Variants in DLG2 observed in about 807,000 individuals in gnomAD.
The protein encoded by DLG2 is disks large homolog 2.
In DLG2, 45 loss-of-function variants were observed where a neutral mutation model predicts 132.5. That is an observed-to-expected ratio of 0.34 (90% CI 0.27 to 0.44). The LOEUF (loss-of-function observed/expected upper bound fraction) is 0.44. Ranked by LOEUF, DLG2 falls within the 20% of genes least tolerant of loss-of-function variation. The pLI, the probability that DLG2 is intolerant of heterozygous loss-of-function variation, is 1.00. For synonymous variants in DLG2, 424 were observed against 419.6 expected, an observed-to-expected ratio of 1.01 and a Z score of -0.13; for missense variants, 1,045 against 1,196.9, an observed-to-expected ratio of 0.87 and a Z score of 1.87.
chr11:83,483,888 T>G (rs1394268086), intron 22 of DLG2, among the ~76,000 whole-genome samples: 1 of 152,114 alleles, frequency 6.6e-6, no homozygotes, highest in African/African-American at 2.4e-5. Flanking sequence ...AGATAAATGT[T>G]GGTTGGGTGC....
chr11:85,262,467 C>G (rs1035019406), intron 4 of DLG2, among the ~76,000 whole-genome samples: 1 of 152,074 alleles, frequency 6.6e-6, no homozygotes, highest in Non-Finnish European at 1.5e-5. Flanking sequence ...AGAAACCACC[C>G]GTACTTCCAC....
At chr11:84,221,690 A>C (rs1852180966) in intron 8 of DLG2, among the ~76,000 whole-genome samples, 1 of 152,124 alleles carries the variant, frequency 6.6e-6, no homozygotes, top group Non-Finnish European at 1.5e-5. Context: ...AGAAAATATC[A>C]GCTAATATTT....
intron 3 of DLG2, among the ~76,000 whole-genome samples, chr11:85,514,138 G>T (rs2094130005): frequency 6.6e-6 from 1 of 151,746 alleles, no homozygotes; most frequent in South Asian, 2.1e-4. Context: ...ATAATTATAG[G>T]TATCATTTCC....
At chr11:84,676,182 G>T (rs777698290) in intron 6 of DLG2, among the ~76,000 whole-genome samples, 2 of 151,978 alleles carry the variant, frequency 1.3e-5, no homozygotes, top group Admixed American at 1.3e-4. Context: ...ATATATATGA[G>T]CTTTACCAAG....
chr11:84,840,727 A>C (rs1030938518), intron 6 of DLG2, among the ~76,000 whole-genome samples: 2 of 152,106 alleles, frequency 1.3e-5, no homozygotes, highest in Non-Finnish European at 1.5e-5. Context: ...CATTCTGAGC[A>C]AACTATCACA....
At chr11:85,177,263 T>TTATATATATATA (rs748552882) in intron 4 of DLG2, among the ~76,000 whole-genome samples, 6 of 137,060 alleles carry the variant, frequency 4.4e-5, no homozygotes, top group African/African-American at 1.5e-4. Context: ...GTATATGTAT[T>TTATATATATATA]TATATATATA....
intron 7 of DLG2, among the ~76,000 whole-genome samples, chr11:84,475,907 T>A (rs1462255357): frequency 6.6e-6 from 1 of 151,984 alleles, no homozygotes; most frequent in Non-Finnish European, 1.5e-5. Flanking sequence ...ATTTTTCCAT[T>A]TTGCAAAAAT....
intron 3 of DLG2, among the ~76,000 whole-genome samples, chr11:85,451,475 T>C (rs563377297): frequency 6.6e-6 from 1 of 152,328 alleles, no homozygotes; most frequent in East Asian, 1.9e-4. Context: ...AAATTGTGAC[T>C]TGCTTTATTG....
At chr11:84,284,570 C>T (rs999790353) in intron 7 of DLG2, among the ~76,000 whole-genome samples, 1 of 152,124 alleles carries the variant, frequency 6.6e-6, no homozygotes, top group African/African-American at 2.4e-5. Flanking sequence ...TAGGTGGGAC[C>T]CCAGGTCTTG....
chr11:85,372,721 C>T (rs1368849985), intron 3 of DLG2, among the ~76,000 whole-genome samples: 1 of 152,236 alleles, frequency 6.6e-6, no homozygotes, highest in African/African-American at 2.4e-5. Flanking sequence ...TCTCTAGGCC[C>T]TCTCTGCTTC....
At chr11:85,195,769 G>A (rs1183274365) in intron 4 of DLG2, among the ~76,000 whole-genome samples, 4 of 151,780 alleles carry the variant, frequency 2.6e-5, no homozygotes, top group South Asian at 2.1e-4. Flanking sequence ...CTCGTGATCC[G>A]CCCGCCTCGG....
intron 6 of DLG2, among the ~76,000 whole-genome samples, chr11:84,726,801 C>T (rs1340757918): frequency 6.6e-6 from 1 of 152,114 alleles, no homozygotes; most frequent in Non-Finnish European, 1.5e-5. Context: ...TTAATGATTG[C>T]CATTCTGACT....
intron 17 of DLG2, among the ~76,000 whole-genome samples, chr11:83,830,624 G>C (rs1279129726): frequency 1.3e-5 from 2 of 152,246 alleles, no homozygotes; most frequent in African/African-American, 4.8e-5. Flanking sequence ...TGTGCACACA[G>C]TGCGGTGTGC....
chr11:84,575,645 T>C (rs983820401), intron 6 of DLG2, among the ~76,000 whole-genome samples: 1 of 152,176 alleles, frequency 6.6e-6, no homozygotes, highest in African/African-American at 2.4e-5. Context: ...GTAAGTGGGG[T>C]ATCTAACATC....
intron 9 of DLG2, among the ~76,000 whole-genome samples, chr11:84,159,911 C>CT (rs2095509329): frequency 6.6e-6 from 1 of 152,018 alleles, no homozygotes; most frequent in Non-Finnish European, 1.5e-5. Flanking sequence ...TTGAGCAAGA[C>CT]TTTTAGATTT....
At chr11:84,775,151 T>C (rs575712930) in intron 6 of DLG2, among the ~76,000 whole-genome samples, 1 of 152,066 alleles carries the variant, frequency 6.6e-6, no homozygotes, top group African/African-American at 2.4e-5. Context: ...AAAGAATACA[T>C]ACAAGCAGCC....
At chr11:83,905,143 C>T (rs11233798) in intron 15 of DLG2, among the ~76,000 whole-genome samples, 14,658 of 152,140 alleles carry the variant, frequency 0.096, 831 homozygotes, top group Middle Eastern at 0.2. Flanking sequence ...TAATGAGTGG[C>T]AAACATTGTA....
rs113473354 is a variant in DLG2, at chr11:85,041,304, A to T, written c.357+70357T>A. Among the ~76,000 whole-genome samples the T allele has an allele frequency of 9.8e-3, 1,494 of 152,094 alleles. 22 individuals are homozygous for T. Among genetic ancestry groups the T allele is most frequent in the African/African-American group, 0.034 (1,417 of 41,518 alleles). On this transcript the variant is annotated intron_variant, in intron 6 of 27. Transcript: ENST00000376104. ...AGATTTTATTGACACTGGTGAGAAG[A>T]TACTTATGAAAATAAGTGCCTCTTT...
At chr11:83,538,361 G>C (rs1418205740) in intron 20 of DLG2, among the ~76,000 whole-genome samples, 2 of 152,216 alleles carry the variant, frequency 1.3e-5, no homozygotes, top group African/African-American at 4.8e-5. Flanking sequence ...GTAGGGCCAA[G>C]AAGAGCCCCA....
Sources: gnomAD v4.1 joint callset for allele counts (sites outside exome capture counted in the v4.1 genomes callset) on GRCh38, gnomAD v4.1.1 for gene constraint, MANE v1.5 for transcripts, NCBI Gene and HGNC (gene_info 2026-07-23, HGNC 2026-07-21) for gene names.